ANKRD62: variants seen among roughly 807,000 people sequenced by gnomAD.
ANKRD62 encodes the protein ankyrin repeat domain 62, also known as ankyrin repeat domain-containing protein 62.
In ANKRD62, 61 loss-of-function variants were observed where a neutral mutation model predicts 98.8. The ratio of observed to expected loss-of-function variants is 0.62; its 90% CI spans 0.50 to 0.76. The LOEUF is 0.76. Among genes scored for constraint, ANKRD62 ranks in the 30% least tolerant of loss-of-function variants. The pLI is 0.00. For synonymous variants in ANKRD62, 341 were observed against 367.9 expected, an observed-to-expected ratio of 0.93 and a Z score of 0.84; for missense variants, 933 against 1,082.9, an observed-to-expected ratio of 0.86 and a Z score of 1.94.
At chr18:12,174,155 T>C in the ANKRD62 span, among the ~76,000 whole-genome samples, 1 of 152,352 alleles carries the variant, frequency 6.6e-6, no homozygotes, top group South Asian at 2.1e-4. Context: ...GGTCTCTTTA[T>C]GTAATCCCAT....
At chr18:12,101,202 A>G (rs1909293179) in intron 6 of ANKRD62, among the ~76,000 whole-genome samples, 1 of 152,146 alleles carries the variant, frequency 6.6e-6, no homozygotes, top group Non-Finnish European at 1.5e-5. Flanking sequence ...TAATTATACA[A>G]CATTTTATTT....
the ANKRD62 span, among the ~76,000 whole-genome samples, chr18:12,135,946 C>T: frequency 6.6e-6 from 1 of 152,102 alleles, no homozygotes; most frequent in African/African-American, 2.4e-5. Flanking sequence ...GATATTAGCC[C>T]TTTGTCAGAT....
At chr18:12,169,668 C>T in the ANKRD62 span, among the ~76,000 whole-genome samples, 1 of 152,060 alleles carries the variant, frequency 6.6e-6, no homozygotes, top group Non-Finnish European at 1.5e-5. Flanking sequence ...AGGGAGGATT[C>T]CCTCTTTTTC....
intron 3 of ANKRD62, 28 bp from the exon 4 acceptor site, chr18:12,096,165 TGAA>T (rs1909178107): frequency 3.6e-6 from 5 of 1,391,948 alleles, no homozygotes; most frequent in Non-Finnish European, 4.9e-6. Context: ...TGTAATTTTG[TGAA>T]TTATAAATTG....
chr18:12,110,993 C>T (rs1212465173), intron 8 of ANKRD62, among the ~76,000 whole-genome samples: 1 of 152,134 alleles, frequency 6.6e-6, no homozygotes, highest in African/African-American at 2.4e-5. Context: ...GTGGCTCACG[C>T]CTGTAATCCC....
the ANKRD62 span, among the ~76,000 whole-genome samples, chr18:12,178,368 A>T: frequency 2.7e-5 from 4 of 147,602 alleles, no homozygotes; most frequent in Non-Finnish European, 5.9e-5. Context: ...GGTGACCGGG[A>T]CCTCTGAACA....
intron 10 of ANKRD62, among the ~76,000 whole-genome samples, chr18:12,118,004 C>T (rs1909701703): frequency 6.6e-6 from 1 of 152,156 alleles, no homozygotes; most frequent in Non-Finnish European, 1.5e-5. Context: ...TGTAGCCTCC[C>T]TCCTTATCAG....
At chr18:12,112,638 C>G (rs1330379772) in intron 8 of ANKRD62, among the ~76,000 whole-genome samples, 1 of 152,196 alleles carries the variant, frequency 6.6e-6, no homozygotes, top group African/African-American at 2.4e-5. Flanking sequence ...CAATACCATT[C>G]TGGACATAGG....
chr18:12,102,088 A>C, intron 6 of ANKRD62: 1 of 1,369,372 alleles, frequency 7.3e-7, no homozygotes, highest in Non-Finnish European at 1.0e-6. Context: ...AAGTGCCAGA[A>C]GCTCTGCCTT....
the ANKRD62 span, among the ~76,000 whole-genome samples, chr18:12,155,874 G>A: frequency 5.5e-4 from 84 of 152,172 alleles, 2 homozygotes; most frequent in East Asian, 7.3e-3. Flanking sequence ...GGAAATAGTG[G>A]GAGGAAGAAA....
At position 12,129,280 on chromosome 18, in the gene ANKRD62, A is replaced by G. The variant is rs1909958226; in HGVS notation, c.*1341A>G. 1 of 152,218 alleles carries G rather than the reference A, an allele frequency of 6.6e-6. No individual in the cohort carries two copies. 9.4% of individuals were successfully genotyped at this position (152,218 alleles called of 1,614,324 possible). On this transcript the variant is annotated 3_prime_UTR_variant, in exon 14 of 14. Transcript: ENST00000587848. Reference sequence around the variant, plus strand: ...AAGAAAAATACTGTGTTTTAATCCTAGAGCATAGGCAGTAAACTTTTCTGT... The same window carrying G: ...AAGAAAAATACTGTGTTTTAATCCTGGAGCATAGGCAGTAAACTTTTCTGT...
chr18:12,115,042 C>G, intron 8 of ANKRD62, 46 bp from the exon 9 acceptor site: 1 of 1,311,196 alleles, frequency 7.6e-7, no homozygotes, highest in Non-Finnish European at 9.8e-7. Context: ...TTGTATTTTA[C>G]ATATTTACTA....
the ANKRD62 span, among the ~76,000 whole-genome samples, chr18:12,170,358 TC>T: frequency 5.3e-5 from 8 of 152,232 alleles, no homozygotes; most frequent in Admixed American, 2.6e-4. Flanking sequence ...TCAAAGAACA[TC>T]TTTATTTCTG....
downstream of ANKRD62, among the ~76,000 whole-genome samples, chr18:12,132,983 A>T (rs955018243): frequency 6.6e-6 from 1 of 152,170 alleles, no homozygotes; most frequent in Non-Finnish European, 1.5e-5. Context: ...CATTAAGTAC[A>T]TTCACAATGT....
chr18:12,177,212 A>G, the ANKRD62 span, among the ~76,000 whole-genome samples: 2 of 151,866 alleles, frequency 1.3e-5, no homozygotes, highest in Admixed American at 6.6e-5. Flanking sequence ...CCAGTGACAG[A>G]GATGTGGAAA....
At chr18:12,131,272 T>C (rs1225185829), downstream of ANKRD62, among the ~76,000 whole-genome samples, 1 of 152,194 alleles carries the variant, frequency 6.6e-6, no homozygotes, top group Admixed American at 6.5e-5. Flanking sequence ...CAAGGAAACA[T>C]AACTGCAGAA....
At chr18:12,096,684 T>G (rs1405318734) in intron 4 of ANKRD62, among the ~76,000 whole-genome samples, 1 of 152,236 alleles carries the variant, frequency 6.6e-6, no homozygotes, top group Non-Finnish European at 1.5e-5. Flanking sequence ...CAACCTCTGC[T>G]TCTTACATGC....
the ANKRD62 span, among the ~76,000 whole-genome samples, chr18:12,174,106 T>G: frequency 6.6e-6 from 1 of 152,356 alleles, no homozygotes; most frequent in African/African-American, 2.4e-5. Context: ...GCTTCCATTC[T>G]CTTCATCTCT....
chr18:12,125,720 A>G lies in ANKRD62; in HGVS notation c.1899A>G (p.Thr633=), dbSNP rs760000379. The change falls in exon 13 of 14, where the codon ACA becomes ACG. Residue 633 remains threonine (T), a synonymous_variant. Transcript: ENST00000587848. ...TTAATGTTCTGATGGATGAGAATAC[A>G]ATGCTCAATTCTGAGCTACAGAAGG... The part of the protein sequence containing the change: ...KELNVLMDEN[T]MLNSELQKEK... The G allele has an allele frequency of 7.1e-6, 11 of 1,542,472 alleles. No individual in the cohort carries two copies. In the South Asian group the frequency reaches 8.3e-5, roughly 12 times the overall value.
Sources: allele counts gnomAD v4.1 joint callset (sites outside exome capture counted in the v4.1 genomes callset), GRCh38; gene constraint gnomAD v4.1.1; transcripts MANE v1.5; gene names NCBI Gene and HGNC (gene_info 2026-07-23, HGNC 2026-07-21).